The following KPNA6 variants were observed in gnomAD, a reference collection of about 807,000 sequenced individuals.
KPNA6 encodes importin subunit alpha-7.
KPNA6 carries 9 observed loss-of-function variants against 72.0 expected under a neutral mutation model. That is an observed-to-expected ratio of 0.13 (90% CI 0.08 to 0.22). KPNA6 has a LOEUF of 0.22. Among genes scored for constraint, KPNA6 ranks in the 10% least tolerant of loss-of-function variants. The pLI, the probability that KPNA6 is intolerant of heterozygous loss-of-function variation, is 1.00. For synonymous variants in KPNA6, 219 were observed against 242.1 expected (o/e 0.90, Z 0.89); for missense variants, 374 against 655.7 (o/e 0.57, Z 4.69).
At chr1:32,118,786 C>T (rs909596677) in intron 1 of KPNA6, among the ~76,000 whole-genome samples, 10 of 151,510 alleles carry the variant, frequency 6.6e-5, no homozygotes, top group Non-Finnish European at 1.5e-4. Context: ...AGAGCAAGAC[C>T]TTGTCTTTAA....
intron 1 of KPNA6, among the ~76,000 whole-genome samples, chr1:32,123,371 T>C (rs1271821765): frequency 1.3e-5 from 2 of 152,294 alleles, no homozygotes; most frequent in East Asian, 1.9e-4. Flanking sequence ...ACTCTGTATC[T>C]TTTTATGTAC....
At chr1:32,119,009 TATATATATATA>T (rs1557457021) in intron 1 of KPNA6, among the ~76,000 whole-genome samples, 5 of 66,736 alleles carry the variant, frequency 7.5e-5, no homozygotes, top group African/African-American at 4.2e-4. Flanking sequence ...TATATATATA[TATATATATATA>T]TATATATATA....
chr1:32,170,753 C>G lies in KPNA6; in HGVS notation c.1470C>G (p.Ile490Met). 1 of 1,614,226 alleles carries G rather than the reference C, an allele frequency of 6.2e-7. No homozygotes were observed. ...EFLQSHENQE[I>M]YQKAFDLIEH... ...TCCAGAGCCACGAGAACCAGGAGATCTACCAGAAGGCCTTCGACCTCATTG... is the reference window on the plus strand; with the variant it reads ...TCCAGAGCCACGAGAACCAGGAGATGTACCAGAAGGCCTTCGACCTCATTG... Residue 490 changes from isoleucine to methionine, a missense_variant, in exon 14 of 14, where the codon ATC becomes ATG. This residue lies in a region of KPNA6 where 34 missense variants were observed against 110.5 expected (regional missense o/e 0.31). Coordinates refer to ENST00000373625, the MANE Select transcript of KPNA6 (RefSeq NM_012316.5).
chr1:32,142,846 A>G, intron 1 of KPNA6: 1 of 799,700 alleles, frequency 1.3e-6, no homozygotes, highest in Non-Finnish European at 1.7e-6. Context: ...TTCCAATCTA[A>G]CCTCCCTTGT....
intron 1 of KPNA6, among the ~76,000 whole-genome samples, chr1:32,118,612 T>C (rs1332485881): frequency 6.6e-6 from 1 of 151,700 alleles, no homozygotes; most frequent in Non-Finnish European, 1.5e-5. Context: ...CTGGGCAACA[T>C]GGCAAAACCC....
intron 13 of KPNA6, among the ~76,000 whole-genome samples, chr1:32,170,370 A>G (rs1016644901): frequency 3.3e-5 from 5 of 152,138 alleles, no homozygotes; most frequent in Admixed American, 2.0e-4. Flanking sequence ...AAGGAGTGAT[A>G]GGTCAGTTCT....
At chr1:32,137,996 ATGGTGGTG>A (rs1641767609) in intron 1 of KPNA6, among the ~76,000 whole-genome samples, 1 of 151,580 alleles carries the variant, frequency 6.6e-6, no homozygotes, top group Non-Finnish European at 1.5e-5. Context: ...TTAGCTGGGC[ATGGTGGTG>A]GGCAACTGTA....
At chr1:32,150,127 CTT>C (rs35179721) in intron 1 of KPNA6, among the ~76,000 whole-genome samples, 83 of 87,048 alleles carry the variant, frequency 9.5e-4, no homozygotes, top group African/African-American at 3.3e-3. Flanking sequence ...AATTTTTAGT[CTT>C]TTTTTTTTTT....
rs1641380206 is a variant in KPNA6 at position 32,119,015 on chromosome 1, TATATA to T, written c.4+10882_4+10886del. Among the ~76,000 whole-genome samples, 41 of 73,536 alleles carry T rather than the reference TATATA, an allele frequency of 5.6e-4. 2 individuals carry two copies. Among genetic ancestry groups the T allele is most frequent in the Middle Eastern group, 5.3e-3 (1 of 190 alleles). 48.2% of individuals were successfully genotyped at this position (73,536 alleles called of 152,430 possible). ...GTGTATACATATATATATATATATA[TATATA>T]TATATATATATATTTTTTTTTTTTT... On this transcript the variant is annotated intron_variant, in intron 1 of 13. Coordinates refer to ENST00000373625, the MANE Select transcript of KPNA6 (RefSeq NM_012316.5).
chr1:32,108,147 AC>A lies in KPNA6; in HGVS notation c.4+15del. The A allele has an allele frequency of 6.2e-7, 1 of 1,613,986 alleles. No individual in the cohort carries two copies. The highest frequency in any genetic ancestry group is 8.5e-7 in the Non-Finnish European group (1 of 1,179,928). On this transcript the variant is annotated intron_variant, in intron 1 of 13. Coordinates refer to ENST00000373625, the MANE Select transcript of KPNA6 (RefSeq NM_012316.5). ...GGACCCGCGATGGGTGAGTGAGGAA[AC>A]CACGCAGTAGGGTTCTTGGGCTCAG...
chr1:32,135,364 G>A (rs189579075), intron 1 of KPNA6, among the ~76,000 whole-genome samples: 3 of 152,088 alleles, frequency 2.0e-5, no homozygotes, highest in East Asian at 1.9e-4. Context: ...ACCGCGCCTG[G>A]CCAATTTATT....
At chr1:32,108,876 C>G (rs1641194925) in intron 1 of KPNA6, among the ~76,000 whole-genome samples, 1 of 152,174 alleles carries the variant, frequency 6.6e-6, no homozygotes, top group Admixed American at 6.5e-5. Context: ...CTGGCAAGGC[C>G]TCTGTTCAGA....
Position 32,161,764 on chromosome 1 carries a change from T to G in KPNA6, c.648-183T>G, listed in dbSNP as rs543936362. On this transcript the variant is annotated intron_variant, in intron 7 of 13. Coordinates refer to ENST00000373625, the MANE Select transcript of KPNA6 (RefSeq NM_012316.5). Reference sequence around the variant, plus strand: ...TAACTAGCCACAGCTGGTCCTGAAATGAATACTCTGTATAGAGCCTGGCCT... The same window carrying G: ...TAACTAGCCACAGCTGGTCCTGAAAGGAATACTCTGTATAGAGCCTGGCCT... Among the ~76,000 whole-genome samples the G allele has an allele frequency of 1.8e-4, 27 of 152,306 alleles. No individual in the cohort carries two copies. In the South Asian group the frequency reaches 5.4e-3, roughly 30 times the overall value.
intron 1 of KPNA6, among the ~76,000 whole-genome samples, chr1:32,108,779 A>G (rs1641193546): frequency 6.6e-6 from 1 of 152,222 alleles, no homozygotes; most frequent in Non-Finnish European, 1.5e-5. Context: ...CCTCTTGGCC[A>G]TCTTTAGGTT....
intron 1 of KPNA6, 70 bp from the exon 2 acceptor site, chr1:32,154,518 G>T (rs1642099481): frequency 6.5e-7 from 1 of 1,549,190 alleles, no homozygotes; most frequent in Non-Finnish European, 8.8e-7. Flanking sequence ...GGTGGGTAGG[G>T]ATAGAAGTCT....
chr1:32,111,084 A>T (rs1057490157), intron 1 of KPNA6, among the ~76,000 whole-genome samples: 1 of 152,144 alleles, frequency 6.6e-6, no homozygotes, highest in Non-Finnish European at 1.5e-5. Context: ...CAGTGAAAAA[A>T]ATTTAGGGGG....
rs750004100 is a variant in KPNA6, at chr1:32,110,056, ATTTTTTT to A, written c.4+1939_4+1945del. Among the ~76,000 whole-genome samples, 280 of 118,316 alleles carry A rather than the reference ATTTTTTT, an allele frequency of 2.4e-3. 1 individual carries two copies. The highest frequency in any genetic ancestry group is 6.6e-3 in the African/African-American group (203 of 30,742). The allele number at this position is 118,316 out of a possible 152,430, so 77.6% of individuals were successfully genotyped here. Reference sequence around the variant, plus strand: ...AAGCAAAATGAGAATCTGGAATTGAATTTTTTTTTTTTTTTTTTTTTTTCTGAGAAGA... The same window carrying A: ...AAGCAAAATGAGAATCTGGAATTGAATTTTTTTTTTTTTTTTCTGAGAAGA... On this transcript the variant is annotated intron_variant, in intron 1 of 13. Coordinates refer to ENST00000373625, the MANE Select transcript of KPNA6 (RefSeq NM_012316.5).
chr1:32,176,401 T>A lies in KPNA6; in HGVS notation c.*5507T>A, dbSNP rs1642528054. The A allele has an allele frequency of 6.6e-6, 1 of 152,376 alleles. No individual in the cohort carries two copies. The highest frequency in any genetic ancestry group is 2.4e-5 in the African/African-American group (1 of 41,470). 9.4% of individuals were successfully genotyped at this position (152,376 alleles called of 1,614,324 possible). On this transcript the variant is annotated 3_prime_UTR_variant, in exon 14 of 14. Transcript: ENST00000373625. ...GGCCCCTGGGTAGACAGACACAGCT[T>A]GATTTCAGAGCAGACATAGGCGAAG...
chr1:32,136,181 C>CTTTTTTTTTTTTTTTTTTT (rs759447035), intron 1 of KPNA6, among the ~76,000 whole-genome samples: 23 of 139,296 alleles, frequency 1.7e-4, no homozygotes, highest in East Asian at 4.4e-4. Flanking sequence ...TAGCTTCTCT[C>CTTTTTTTTTTTTTTTTTTT]TTTTTTTTTT....
Sources: gnomAD v4.1 joint callset for allele counts (sites outside exome capture counted in the v4.1 genomes callset) on GRCh38, gnomAD v4.1.1 for gene constraint, gnomAD v4.1.1 regional missense constraint, MANE v1.5 for transcripts, NCBI Gene and HGNC (gene_info 2026-07-23, HGNC 2026-07-21) for gene names.